Variants in SLC24A2 observed in about 807,000 individuals in gnomAD.
SLC24A2 encodes solute carrier family 24 member 2, also known as sodium/potassium/calcium exchanger 2.
SLC24A2 carries 36 observed loss-of-function variants against 62.0 expected under a neutral mutation model. That is an observed-to-expected ratio of 0.58 (90% CI 0.44 to 0.77). The LOEUF (loss-of-function observed/expected upper bound fraction) is 0.77. Among genes scored for constraint, SLC24A2 ranks in the 30% least tolerant of loss-of-function variants. The pLI is 0.00. For synonymous variants in SLC24A2, 358 were observed against 294.0 expected, an observed-to-expected ratio of 1.22 and a Z score of -2.23; for missense variants, 846 against 817.9, an observed-to-expected ratio of 1.03 and a Z score of -0.42.
At chr9:20,299,335 G>A in the SLC24A2 span, among the ~76,000 whole-genome samples, 1 of 152,218 alleles carries the variant, frequency 6.6e-6, no homozygotes, top group African/African-American at 2.4e-5. Flanking sequence ...AAGAAGGATA[G>A]AGCTCTCGAG....
the SLC24A2 span, among the ~76,000 whole-genome samples, chr9:20,087,912 G>A: frequency 6.6e-6 from 1 of 152,192 alleles, no homozygotes; most frequent in African/African-American, 2.4e-5. Flanking sequence ...ACCCAGGGAA[G>A]CGGTGAGTGA....
At chr9:19,927,607 C>T in the SLC24A2 span, 1 of 152,208 alleles carries the variant, frequency 6.6e-6, no homozygotes, top group African/African-American at 2.4e-5. Flanking sequence ...AATGAAAATC[C>T]CTGTCATTTA....
chr9:19,571,786 A>T (rs1169796316), intron 7 of SLC24A2, among the ~76,000 whole-genome samples: 3 of 152,238 alleles, frequency 2.0e-5, no homozygotes, highest in Non-Finnish European at 4.4e-5. Context: ...CCTGATCAGG[A>T]TGAGATCCAG....
At chr9:20,004,969 A>G in the SLC24A2 span, among the ~76,000 whole-genome samples, 1 of 152,056 alleles carries the variant, frequency 6.6e-6, no homozygotes, top group Non-Finnish European at 1.5e-5. Flanking sequence ...TAAATAAGAG[A>G]TTTTCTCTTT....
the SLC24A2 span, among the ~76,000 whole-genome samples, chr9:19,832,063 TG>T: frequency 6.6e-6 from 1 of 152,234 alleles, no homozygotes; most frequent in Non-Finnish European, 1.5e-5. Context: ...ATCACATCTT[TG>T]CCTGTCTGTA....
At chr9:19,596,743 A>G (rs1296872358) in intron 5 of SLC24A2, among the ~76,000 whole-genome samples, 2 of 152,226 alleles carry the variant, frequency 1.3e-5, no homozygotes, top group Non-Finnish European at 2.9e-5. Flanking sequence ...GAGACAGGCC[A>G]TGAGCCTACA....
chr9:20,243,573 C>T, the SLC24A2 span, among the ~76,000 whole-genome samples: 6 of 152,156 alleles, frequency 3.9e-5, no homozygotes, highest in Non-Finnish European at 8.8e-5. Flanking sequence ...TTGTAACACG[C>T]TTACACATAC....
chr9:19,803,520 A>G, the SLC24A2 span, among the ~76,000 whole-genome samples: 1 of 152,194 alleles, frequency 6.6e-6, no homozygotes, highest in Non-Finnish European at 1.5e-5. Flanking sequence ...TGGAGTTTTA[A>G]TTATAATTTT....
At chr9:19,852,443 A>G in the SLC24A2 span, among the ~76,000 whole-genome samples, 2 of 152,006 alleles carry the variant, frequency 1.3e-5, no homozygotes, top group Admixed American at 1.3e-4. Flanking sequence ...TAGGGTTTTT[A>G]TACTTTCGGG....
At chr9:19,560,829 C>A (rs986810980) in intron 7 of SLC24A2, among the ~76,000 whole-genome samples, 2 of 151,512 alleles carry the variant, frequency 1.3e-5, no homozygotes, top group Non-Finnish European at 2.9e-5. Flanking sequence ...TTTATTGAGC[C>A]ATAGAAAGAT....
chr9:19,989,454 T>G, the SLC24A2 span, among the ~76,000 whole-genome samples: 1 of 152,220 alleles, frequency 6.6e-6, no homozygotes, highest in Non-Finnish European at 1.5e-5. Flanking sequence ...ATGATCATCA[T>G]AAAGAATGTC....
the SLC24A2 span, among the ~76,000 whole-genome samples, chr9:20,100,359 C>A: frequency 6.6e-6 from 1 of 152,166 alleles, no homozygotes; most frequent in African/African-American, 2.4e-5. Flanking sequence ...CTATGCCTGG[C>A]CTCCTACTCA....
At chr9:20,250,794 C>T in the SLC24A2 span, among the ~76,000 whole-genome samples, 1 of 152,160 alleles carries the variant, frequency 6.6e-6, no homozygotes, top group Non-Finnish European at 1.5e-5. Context: ...TTATTTAATA[C>T]TATGTAGCCT....
chr9:19,566,963 G>A (rs1835676311), intron 7 of SLC24A2, among the ~76,000 whole-genome samples: 3 of 151,768 alleles, frequency 2.0e-5, no homozygotes. Flanking sequence ...CCTGTTGTGG[G>A]GTGGGGGAGG....
chr9:19,782,405 C>T (rs1823044159), intron 2 of SLC24A2, among the ~76,000 whole-genome samples: 1 of 152,150 alleles, frequency 6.6e-6, no homozygotes, highest in Non-Finnish European at 1.5e-5. Flanking sequence ...TAAGTCCCAG[C>T]CAATGAGCTA....
At chr9:19,586,821 T>C (rs150109794) in intron 5 of SLC24A2, among the ~76,000 whole-genome samples, 265 of 152,298 alleles carry the variant, frequency 1.7e-3, no homozygotes, top group African/African-American at 5.9e-3. Flanking sequence ...CAATCTCATA[T>C]ATACAGATAC....
chr9:19,670,551 T>G (rs1819385252), intron 2 of SLC24A2, among the ~76,000 whole-genome samples: 1 of 152,206 alleles, frequency 6.6e-6, no homozygotes, highest in Non-Finnish European at 1.5e-5. Flanking sequence ...ATGACAATCC[T>G]ATTTCATTGC....
At chr9:19,575,561 GACTT>G (rs1206308897) in intron 6 of SLC24A2, among the ~76,000 whole-genome samples, 1 of 152,166 alleles carries the variant, frequency 6.6e-6, no homozygotes, top group African/African-American at 2.4e-5. Context: ...ATAAATCTTG[GACTT>G]ACTTTGAAAA....
At chr9:19,850,790 A>C in the SLC24A2 span, among the ~76,000 whole-genome samples, 1 of 149,984 alleles carries the variant, frequency 6.7e-6, no homozygotes, top group Non-Finnish European at 1.5e-5. Context: ...AGCATGTGTC[A>C]ATATTTCATT....
Sources: gnomAD v4.1 joint callset for allele counts (sites outside exome capture counted in the v4.1 genomes callset) on GRCh38, gnomAD v4.1.1 for gene constraint, MANE v1.5 for transcripts, NCBI Gene and HGNC (gene_info 2026-07-23, HGNC 2026-07-21) for gene names.